TNIK: variants seen among roughly 807,000 people sequenced by gnomAD.
TNIK encodes the protein TRAF2 and NCK interacting kinase.
A neutral mutation model predicts 191.3 loss-of-function variants in TNIK; 49 were observed. The observed-to-expected ratio is 0.26, with a 90% CI of 0.20 to 0.32. TNIK has a LOEUF of 0.32. Ranked by LOEUF, TNIK falls within the 10% of genes least tolerant of loss-of-function variation. The pLI, the probability that TNIK is intolerant of heterozygous loss-of-function variation, is 1.00. For synonymous variants in TNIK, 594 were observed against 600.9 expected (o/e 0.99, Z 0.17); for missense variants, 1,155 against 1,702.3 (o/e 0.68, Z 5.66).
chr3:171,444,046 A>C (rs1394315243), intron 1 of TNIK, among the ~76,000 whole-genome samples: 2 of 152,142 alleles, frequency 1.3e-5, no homozygotes, highest in East Asian at 3.8e-4. Context: ...TCAAATTTAC[A>C]TTTTTAAAAG....
chr3:171,172,862 G>A (rs143712170), intron 9 of TNIK, among the ~76,000 whole-genome samples: 217 of 152,282 alleles, frequency 1.4e-3, no homozygotes, highest in Non-Finnish European at 2.4e-3. Flanking sequence ...AACTTCTCCT[G>A]CTCCCTCCAG....
chr3:171,405,898 G>A (rs1464365077), intron 1 of TNIK, among the ~76,000 whole-genome samples: 2 of 152,166 alleles, frequency 1.3e-5, no homozygotes, highest in Admixed American at 1.3e-4. Context: ...TTGAGGGCAA[G>A]TAAGAACTTA....
chr3:171,410,360 C>T (rs144958869), intron 1 of TNIK, among the ~76,000 whole-genome samples: 1 of 152,316 alleles, frequency 6.6e-6, no homozygotes, highest in East Asian at 1.9e-4. Context: ...TGGCTGACAC[C>T]TCTCTCCATA....
chr3:171,322,619 GTCTACT>G (rs1755278549), intron 2 of TNIK, among the ~76,000 whole-genome samples: 1 of 152,002 alleles, frequency 6.6e-6, no homozygotes, highest in African/African-American at 2.4e-5. Flanking sequence ...TGAAAACTTG[GTCTACT>G]TCTACCATAT....
At chr3:171,241,237 TC>T (rs1744950330) in intron 2 of TNIK, among the ~76,000 whole-genome samples, 1 of 151,936 alleles carries the variant, frequency 6.6e-6, no homozygotes, top group Non-Finnish European at 1.5e-5. Context: ...TTCATGTTAG[TC>T]AGGCTGGTCT....
rs149654631 is a variant in TNIK at position 171,137,486 on chromosome 3, G to T, written c.1608+705C>A. On this transcript the variant is annotated intron_variant, in intron 15 of 32. Transcript: ENST00000436636. ...ACCTCACACAGTGACTCCCTGGAAAGGTTGCTGATTTGGTTGGGGTTATTT... is the reference window on the plus strand; with the variant it reads ...ACCTCACACAGTGACTCCCTGGAAATGTTGCTGATTTGGTTGGGGTTATTT... 7.9e-5 allele frequency among the ~76,000 whole-genome samples: 12 copies of T among 152,272 alleles called. No homozygotes were observed. The East Asian group carries it at 1.9e-3, about 24-fold the overall frequency.
At chr3:171,436,562 A>C (rs1449254759) in intron 1 of TNIK, among the ~76,000 whole-genome samples, 2 of 152,326 alleles carry the variant, frequency 1.3e-5, no homozygotes, top group South Asian at 2.1e-4. Flanking sequence ...CCAAGATTCA[A>C]ATCCAGAGAG....
At chr3:171,442,601 C>T (rs996885397) in intron 1 of TNIK, among the ~76,000 whole-genome samples, 1 of 152,158 alleles carries the variant, frequency 6.6e-6, no homozygotes, top group African/African-American at 2.4e-5. Flanking sequence ...GATTTCCTCT[C>T]TTCATAGAGA....
rs1370609610 is a variant in TNIK, at chr3:171,392,318, T to G, written c.58-22633A>C. Among the ~76,000 whole-genome samples the G allele has an allele frequency of 2.6e-5, 4 of 152,164 alleles. No homozygotes were observed. The East Asian group carries it at 7.7e-4, about 29-fold the overall frequency. On this transcript the variant is annotated intron_variant, in intron 1 of 32. Coordinates refer to ENST00000436636, the MANE Select transcript of TNIK (RefSeq NM_015028.4). The stretch of plus-strand genomic sequence containing the variant: ...AAAGGGTGATTCCAGAAATTTAATC[T>G]GGTCACAATGTCTAAACTGGTGGCT...
At chr3:171,413,480 G>A (rs956076418) in intron 1 of TNIK, among the ~76,000 whole-genome samples, 1 of 152,056 alleles carries the variant, frequency 6.6e-6, no homozygotes, top group Non-Finnish European at 1.5e-5. Flanking sequence ...TCCCACCTCT[G>A]CATCTTTGCA....
intron 1 of TNIK, among the ~76,000 whole-genome samples, chr3:171,424,856 A>G (rs1724334566): frequency 1.5e-5 from 2 of 132,882 alleles, no homozygotes; most frequent in African/African-American, 2.8e-5. Context: ...GGGGGGAGGG[A>G]TAGCATTAGG....
At chr3:171,276,310 C>G (rs1340793573) in intron 2 of TNIK, among the ~76,000 whole-genome samples, 1 of 96,792 alleles carries the variant, frequency 1.0e-5, no homozygotes, top group Non-Finnish European at 2.5e-5. Flanking sequence ...TTTCAGGAAC[C>G]AGTGGATCTG....
intron 2 of TNIK, among the ~76,000 whole-genome samples, chr3:171,317,199 C>G (rs546525055): frequency 1.3e-5 from 2 of 152,026 alleles, no homozygotes; most frequent in South Asian, 4.1e-4. Flanking sequence ...AGCAGTTGTT[C>G]CGGGTCAGGC....
intron 21 of TNIK, 41 bp from the exon 22 acceptor site, chr3:171,101,674 C>T (rs771821036): frequency 5.0e-6 from 8 of 1,590,330 alleles, no homozygotes; most frequent in Admixed American, 3.6e-5. Context: ...GTGGTAGATA[C>T]GACCAAAGCT....
At chr3:171,231,295 GTTTTGT>G (rs1224416776) in intron 2 of TNIK, among the ~76,000 whole-genome samples, 3 of 149,146 alleles carry the variant, frequency 2.0e-5, no homozygotes, top group African/African-American at 7.4e-5. Flanking sequence ...ACTGTTTTTT[GTTTTGT>G]TGTTGTTGTT....
In TNIK at chr3:171,302,976, C is replaced by G. The variant is rs1355844693; in HGVS notation, c.123+66644G>C. Among the ~76,000 whole-genome samples, 4 of 152,136 alleles carry G rather than the reference C, an allele frequency of 2.6e-5. No homozygotes were observed. The South Asian group carries it at 8.3e-4, about 32-fold the overall frequency. On this transcript the variant is annotated intron_variant, in intron 2 of 32. Coordinates refer to ENST00000436636, the MANE Select transcript of TNIK (RefSeq NM_015028.4). ...TGTCTACGCAATGCAAAATCAGATTCAGATTATAATGTGCTTATTTTTTCT... is the reference window on the plus strand; with the variant it reads ...TGTCTACGCAATGCAAAATCAGATTGAGATTATAATGTGCTTATTTTTTCT...
chr3:171,187,843 C>A (rs1477300216), intron 7 of TNIK, among the ~76,000 whole-genome samples: 1 of 152,156 alleles, frequency 6.6e-6, no homozygotes, highest in East Asian at 1.9e-4. Context: ...CCAAGCAGAT[C>A]AAGTTTTGCC....
chr3:171,236,045 T>C (rs1238634631), intron 2 of TNIK, among the ~76,000 whole-genome samples: 1 of 152,156 alleles, frequency 6.6e-6, no homozygotes, highest in African/African-American at 2.4e-5. Flanking sequence ...GGCACATGGC[T>C]GCTACATACT....
intron 4 of TNIK, among the ~76,000 whole-genome samples, chr3:171,200,864 G>A (rs920739273): frequency 4.6e-4 from 70 of 152,250 alleles, no homozygotes; most frequent in African/African-American, 1.5e-3. Flanking sequence ...AATGAGAAAC[G>A]AACTCTTAGG....
Sources: allele counts gnomAD v4.1 joint callset (sites outside exome capture counted in the v4.1 genomes callset), GRCh38; gene constraint gnomAD v4.1.1; transcripts MANE v1.5; gene names NCBI Gene and HGNC (gene_info 2026-07-23, HGNC 2026-07-21).